The following IL1RAPL2 variants were observed in gnomAD, a reference collection of about 807,000 sequenced individuals.
IL1RAPL2 encodes the protein X-linked interleukin-1 receptor accessory protein-like 2.
IL1RAPL2 carries 3 observed loss-of-function variants against 44.1 expected under a neutral mutation model. That is an observed-to-expected ratio of 0.07 (90% CI 0.03 to 0.18). IL1RAPL2 has a LOEUF of 0.18. Among genes scored for constraint, IL1RAPL2 ranks in the 10% least tolerant of loss-of-function variants. IL1RAPL2 has a pLI of 1.00. For synonymous variants in IL1RAPL2, 181 were observed against 178.8 expected (o/e 1.01, Z -0.10); for missense variants, 391 against 496.4 (o/e 0.79, Z 2.02).
At chrX:105,414,538 C>A (rs140238574) in intron 5 of IL1RAPL2, among the ~76,000 whole-genome samples, 1,416 of 112,082 alleles carry the variant, frequency 0.013, 29 homozygotes, top group African/African-American at 0.044. Context: ...GCTTCTGGTA[C>A]CTGTTTAGCC....
At chrX:104,852,758 G>T (rs1342564849) in intron 2 of IL1RAPL2, among the ~76,000 whole-genome samples, 1 of 112,008 alleles carries the variant, frequency 8.9e-6, no homozygotes, top group Non-Finnish European at 1.9e-5. Flanking sequence ...TTACATCACT[G>T]ATTGTCTTGC....
intron 5 of IL1RAPL2, among the ~76,000 whole-genome samples, chrX:105,326,615 TC>T (rs1450441232): frequency 3.6e-5 from 4 of 111,737 alleles, no homozygotes. Flanking sequence ...TTAGAATTAA[TC>T]TTTTTGCATT....
intron 10 of IL1RAPL2, among the ~76,000 whole-genome samples, chrX:105,763,954 T>TTGA (rs2038708523): frequency 9.0e-6 from 1 of 111,614 alleles, no homozygotes; most frequent in Non-Finnish European, 1.9e-5. Context: ...AGGGAAAATT[T>TTGA]TGATATACTG....
chrX:105,015,750 T>A (rs6621901), intron 2 of IL1RAPL2, among the ~76,000 whole-genome samples: 51,633 of 110,272 alleles, frequency 0.47, 9,467 homozygotes, highest in East Asian at 0.75. Context: ...GGTAGCATGA[T>A]ACCTCCAGCT....
Position 104,637,802 on chromosome X carries a change from C to CTG in IL1RAPL2, c.-19-21073_-19-21072dup, listed in dbSNP as rs1214767208. Among the ~76,000 whole-genome samples the CTG allele has an allele frequency of 1.7e-3, 151 of 88,578 alleles. 1 individual carries two copies. Among genetic ancestry groups the CTG allele is most frequent in the African/African-American group, 4.2e-3 (99 of 23,597 alleles). The allele number at this position is 88,578 out of a possible 115,157, so 76.9% of individuals were successfully genotyped here. A position where few individuals can be genotyped will look rare whatever the true frequency, so the allele number is the denominator to read the frequency against. On this transcript the variant is annotated intron_variant, in intron 1 of 10. Coordinates refer to ENST00000372582, the MANE Select transcript of IL1RAPL2 (RefSeq NM_017416.2). Reference sequence around the variant, plus strand: ...TATGTGTGTGTGTGTGTGTGTGTGTCTGTGTGTGTGTGTGTGTGTGTCTGT... The same window carrying CTG: ...TATGTGTGTGTGTGTGTGTGTGTGTCTGTGTGTGTGTGTGTGTGTGTGTCTGT...
At chrX:105,014,889 C>A (rs1251976021) in intron 2 of IL1RAPL2, among the ~76,000 whole-genome samples, 2 of 112,041 alleles carry the variant, frequency 1.8e-5, no homozygotes, top group Non-Finnish European at 3.8e-5. Flanking sequence ...GGAATTGCCA[C>A]ACTCTCTTCC....
intron 5 of IL1RAPL2, among the ~76,000 whole-genome samples, chrX:105,267,892 G>C (rs1178401808): frequency 9.0e-6 from 1 of 111,305 alleles, no homozygotes; most frequent in African/African-American, 3.3e-5. Flanking sequence ...GTAGGTGAAG[G>C]CTGATTTTAG....
intron 2 of IL1RAPL2, among the ~76,000 whole-genome samples, chrX:104,733,729 T>C: frequency 9.1e-6 from 1 of 109,768 alleles, no homozygotes; most frequent in East Asian, 2.9e-4. Context: ...AATACAATAC[T>C]ATAAAACTTC....
chrX:104,959,771 C>T (rs1168172273), intron 2 of IL1RAPL2, among the ~76,000 whole-genome samples: 1 of 110,899 alleles, frequency 9.0e-6, no homozygotes, highest in Non-Finnish European at 1.9e-5. Flanking sequence ...ATTGGGCAAT[C>T]CCATATTATA....
intron 6 of IL1RAPL2, among the ~76,000 whole-genome samples, chrX:105,489,758 CTCTT>C (rs1340875125): frequency 9.6e-5 from 9 of 94,098 alleles, no homozygotes; most frequent in Admixed American, 2.4e-4. Flanking sequence ...TTCTTTCTTT[CTCTT>C]TCTTTCTTTC....
intron 2 of IL1RAPL2, among the ~76,000 whole-genome samples, chrX:105,051,480 C>T (rs942375658): frequency 8.9e-6 from 1 of 112,962 alleles, no homozygotes; most frequent in African/African-American, 3.2e-5. Context: ...GGTCAGCCAG[C>T]TGCAGCTGCA....
At chrX:105,277,724 G>A (rs913015082) in intron 5 of IL1RAPL2, among the ~76,000 whole-genome samples, 57 of 110,684 alleles carry the variant, frequency 5.1e-4, no homozygotes, top group Admixed American at 7.7e-4. Context: ...CAGGGCCTGT[G>A]GGGGGCATTT....
At chrX:105,188,641 A>G (rs1556135389) in intron 2 of IL1RAPL2, among the ~76,000 whole-genome samples, 1 of 112,101 alleles carries the variant, frequency 8.9e-6, no homozygotes, top group African/African-American at 3.2e-5. Flanking sequence ...ATTTAGGCAG[A>G]TCTTTCCCAT....
intron 2 of IL1RAPL2, among the ~76,000 whole-genome samples, chrX:104,906,291 T>A (rs1181744019): frequency 1.8e-5 from 2 of 110,687 alleles, no homozygotes; most frequent in East Asian, 5.7e-4. Flanking sequence ...TTGAATACCC[T>A]TTATTTCCTT....
chrX:105,318,017 G>A (rs2034860440), intron 5 of IL1RAPL2, among the ~76,000 whole-genome samples: 1 of 106,886 alleles, frequency 9.4e-6, no homozygotes, highest in Non-Finnish European at 1.9e-5. Flanking sequence ...CTGTCGCCCA[G>A]GCTGGAGTGC....
chrX:105,238,874 G>T (rs2034144507), intron 4 of IL1RAPL2, among the ~76,000 whole-genome samples: 1 of 111,174 alleles, frequency 9.0e-6, no homozygotes, highest in South Asian at 3.8e-4. Context: ...TCAGCTATTG[G>T]CATTCCAATT....
chrX:105,606,678 T>C (rs1159988077), intron 6 of IL1RAPL2, among the ~76,000 whole-genome samples: 1 of 111,858 alleles, frequency 8.9e-6, no homozygotes. Context: ...TATGAATAGA[T>C]AATATCACAT....
chrX:105,089,648 T>C (rs982544340), intron 2 of IL1RAPL2, among the ~76,000 whole-genome samples: 2 of 111,941 alleles, frequency 1.8e-5, no homozygotes, highest in Non-Finnish European at 3.8e-5. Flanking sequence ...GGAGGAATCA[T>C]ACTATAACAA....
intron 2 of IL1RAPL2, among the ~76,000 whole-genome samples, chrX:104,899,058 C>A (rs1923739343): frequency 8.9e-6 from 1 of 111,962 alleles, no homozygotes; most frequent in South Asian, 3.7e-4. Context: ...CTTGTCATTA[C>A]ACAGGAGGTT....
Sources: gnomAD v4.1 joint callset for allele counts (sites outside exome capture counted in the v4.1 genomes callset) on GRCh38, gnomAD v4.1.1 for gene constraint, MANE v1.5 for transcripts, NCBI Gene and HGNC (gene_info 2026-07-23, HGNC 2026-07-21) for gene names.